The following GPR137C variants were observed in gnomAD, a reference collection of about 807,000 sequenced individuals.
GPR137C encodes integral membrane protein GPR137C.
In GPR137C, 27 loss-of-function variants were observed where a neutral mutation model predicts 43.4. The ratio of observed to expected loss-of-function variants is 0.62; its 90% CI spans 0.46 to 0.86. GPR137C has a LOEUF of 0.86. GPR137C is among the 40% of genes least tolerant of loss of function. The pLI is 0.00. For synonymous variants in GPR137C, 285 were observed against 226.9 expected (o/e 1.26, Z -2.30); for missense variants, 522 against 534.6 (o/e 0.98, Z 0.23).
intron 2 of GPR137C, 113 bp from the exon 3 acceptor site, chr14:52,600,000 C>A: frequency 1.4e-6 from 1 of 692,294 alleles, no homozygotes; most frequent in Non-Finnish European, 2.4e-6. Context: ...CTATGCCATT[C>A]ATAAACATTT....
intron 4 of GPR137C, 79 bp downstream of exon 4, chr14:52,632,388 G>A (rs1025131968): frequency 9.9e-7 from 1 of 1,005,196 alleles, no homozygotes; most frequent in African/African-American, 1.6e-5. Context: ...TGTAGTGTTT[G>A]ACTTACAAAC....
In GPR137C at chr14:52,635,533, A is replaced by G. The variant is rs1434284195; in HGVS notation, c.*418A>G. 6.5e-6 allele frequency: 1 copy of G among 153,596 alleles called. No individual in the cohort carries two copies. Among genetic ancestry groups the G allele is most frequent in the Non-Finnish European group, 1.4e-5 (1 of 69,108 alleles). The allele number at this position is 153,596 out of a possible 1,614,324, so 9.5% of individuals were successfully genotyped here. A position where few individuals can be genotyped will look rare whatever the true frequency, so the allele number is the denominator to read the frequency against. The stretch of plus-strand genomic sequence containing the variant: ...GCCGGTATATTCATTGGTATGCTCT[A>G]TACAGATATCTTAATAAAAATTTTA... On this transcript the variant is annotated 3_prime_UTR_variant, in exon 7 of 7. Coordinates refer to ENST00000321662, the MANE Select transcript of GPR137C (RefSeq NM_001099652.2).
At chr14:52,633,782 G>C (rs576707438) in intron 5 of GPR137C, 46 bp from the exon 6 acceptor site, 1 of 1,532,946 alleles carries the variant, frequency 6.5e-7, no homozygotes, top group Non-Finnish European at 9.0e-7. Flanking sequence ...TCCTTTCTTA[G>C]TGGAAAAGTA....
chr14:52,560,423 T>C (rs1357221922), intron 1 of GPR137C, among the ~76,000 whole-genome samples: 1 of 152,328 alleles, frequency 6.6e-6, no homozygotes, highest in East Asian at 1.9e-4. Flanking sequence ...TTTTAAAATA[T>C]GCGTGGACAT....
At chr14:52,576,413 G>A (rs1025244198) in intron 1 of GPR137C, among the ~76,000 whole-genome samples, 2 of 152,174 alleles carry the variant, frequency 1.3e-5, no homozygotes, top group East Asian at 3.8e-4. Flanking sequence ...ATTATGAATA[G>A]TGCTGTGATA....
intron 1 of GPR137C, among the ~76,000 whole-genome samples, chr14:52,590,690 G>C (rs930218143): frequency 6.6e-6 from 1 of 152,148 alleles, no homozygotes; most frequent in Non-Finnish European, 1.5e-5. Flanking sequence ...TGGTACAGCA[G>C]TAACATGCTG....
At chr14:52,612,354 C>G (rs2039047670) in intron 3 of GPR137C, 2 of 918,242 alleles carry the variant, frequency 2.2e-6, no homozygotes, top group East Asian at 1.2e-4. Flanking sequence ...CATCATATAC[C>G]AAAATTAATT....
chr14:52,603,557 G>A (rs1211485709), intron 3 of GPR137C, among the ~76,000 whole-genome samples: 1 of 152,072 alleles, frequency 6.6e-6, no homozygotes, highest in Non-Finnish European at 1.5e-5. Flanking sequence ...TTTTTGAGAT[G>A]GAGTCTTGCT....
intron 1 of GPR137C, among the ~76,000 whole-genome samples, chr14:52,591,746 T>G (rs1242162375): frequency 6.6e-6 from 1 of 152,230 alleles, no homozygotes; most frequent in Non-Finnish European, 1.5e-5. Context: ...GATGGGTAGA[T>G]TACAAAAATG....
intron 1 of GPR137C, among the ~76,000 whole-genome samples, chr14:52,566,204 C>G (rs187336584): frequency 2.0e-5 from 3 of 152,254 alleles, no homozygotes; most frequent in East Asian, 3.9e-4. Context: ...TCTTCTCTTA[C>G]AAAAACTCAA....
intron 3 of GPR137C, among the ~76,000 whole-genome samples, chr14:52,621,565 T>TTG (rs2039161701): frequency 6.6e-6 from 1 of 151,848 alleles, no homozygotes. Flanking sequence ...TCACGTAATA[T>TTG]TGTGAGGTTT....
intron 3 of GPR137C, among the ~76,000 whole-genome samples, chr14:52,631,380 G>T (rs559087045): frequency 1.3e-5 from 2 of 152,100 alleles, no homozygotes; most frequent in African/African-American, 4.8e-5. Flanking sequence ...CACTATACTG[G>T]GTGTTTCTGT....
intron 1 of GPR137C, chr14:52,596,971 T>C (rs367879036): frequency 2.6e-5 from 12 of 454,662 alleles, no homozygotes; most frequent in Non-Finnish European, 4.9e-5. Context: ...ACCCATCTTA[T>C]ATCTCCAAAT....
At chr14:52,553,678 G>C (rs2038137665) in intron 1 of GPR137C, 87 bp downstream of exon 1, 4 of 733,676 alleles carry the variant, frequency 5.5e-6, no homozygotes, top group African/African-American at 1.8e-5. Flanking sequence ...CGGGGGCGGG[G>C]GGTGGGCAGC....
rs373820224 is a variant in GPR137C, at chr14:52,623,153, AAATG to A, written c.718-9006_718-9003del. 1.6e-3 allele frequency among the ~76,000 whole-genome samples: 248 copies of A among 152,316 alleles called. 1 individual carries two copies. Among genetic ancestry groups the A allele is most frequent in the African/African-American group, 5.6e-3 (232 of 41,588 alleles). ...TGATTAGTTGGTGCTGACACCATAT[AAATG>A]CAACAAAATAAGCCCTGCCACATCT... On this transcript the variant is annotated intron_variant, in intron 3 of 6. Transcript: ENST00000321662.
intron 1 of GPR137C, among the ~76,000 whole-genome samples, chr14:52,570,554 T>G (rs150556928): frequency 8.7e-4 from 132 of 152,218 alleles, no homozygotes; most frequent in Non-Finnish European, 1.6e-3. Context: ...AGACTGGCAA[T>G]TTGGATAAAG....
intron 1 of GPR137C, among the ~76,000 whole-genome samples, chr14:52,567,798 T>TA (rs757876869): frequency 1.3e-5 from 2 of 152,064 alleles, no homozygotes; most frequent in African/African-American, 2.4e-5. Flanking sequence ...TAGCTGGGAT[T>TA]ACAGGTGCGT....
intron 1 of GPR137C, among the ~76,000 whole-genome samples, chr14:52,591,092 G>A (rs948703189): frequency 6.8e-6 from 1 of 148,008 alleles, no homozygotes; most frequent in African/African-American, 2.5e-5. Flanking sequence ...TTTGGTTTTC[G>A]GTCCTTGTGA....
At chr14:52,634,714 C>T (rs1193276458) in intron 6 of GPR137C, among the ~76,000 whole-genome samples, 1 of 152,006 alleles carries the variant, frequency 6.6e-6, no homozygotes, top group Non-Finnish European at 1.5e-5. Context: ...TTCTGAGTGG[C>T]ATTTATTCAT....
Sources: allele counts gnomAD v4.1 joint callset (sites outside exome capture counted in the v4.1 genomes callset), GRCh38; gene constraint gnomAD v4.1.1; transcripts MANE v1.5; gene names NCBI Gene and HGNC (gene_info 2026-07-23, HGNC 2026-07-21).